Variants in CATSPERG observed in about 807,000 individuals in gnomAD.
CATSPERG encodes cation channel sperm-associated auxiliary subunit gamma.
A neutral mutation model predicts 145.0 loss-of-function variants in CATSPERG; 115 were observed. That is an observed-to-expected ratio of 0.79 (90% CI 0.68 to 0.93). The LOEUF (loss-of-function observed/expected upper bound fraction) is 0.93. CATSPERG is among the 40% of genes least tolerant of loss of function. The pLI is 0.00. For missense variants in CATSPERG, 1,296 were observed against 1,490.1 expected, an observed-to-expected ratio of 0.87 and a Z score of 2.14; for synonymous variants, 588 against 589.0, an observed-to-expected ratio of 1.00 and a Z score of 0.02.
rs1167412613 is a variant in CATSPERG, at chr19:38,361,651, CT to C, written c.1885del (p.Tyr629ThrfsTer2). On this transcript the variant is annotated frameshift_variant, in exon 17 of 29. Coordinates refer to ENST00000409235, the MANE Select transcript of CATSPERG (RefSeq NM_021185.5). LOFTEE classifies it high-confidence loss of function. ...TTTCCCCCTTGCCACTGCCCAGGGGCTACTTGATGCTCTCCTTCATCGACTT... is the reference window on the plus strand; with the variant it reads ...TTTCCCCCTTGCCACTGCCCAGGGGCACTTGATGCTCTCCTTCATCGACTT... Reference protein sequence around the residue: ...SHYDLERKGGYLMLSFIDFCP... With the variant: ...SHYDLERKGGXLMLSFIDFCP... The C allele has an allele frequency of 6.2e-7, 1 of 1,609,316 alleles. No homozygotes were observed.
At chr19:38,356,988 G>GA in intron 11 of CATSPERG, 127 bp downstream of exon 11, 2 of 1,217,142 alleles carry the variant, frequency 1.6e-6, no homozygotes, top group Non-Finnish European at 1.2e-6. Flanking sequence ...GTCACTCCTG[G>GA]TTGAGGAGTA....
rs1418272403 is a variant in CATSPERG, at chr19:38,370,719, C to T, written c.3407C>T (p.Ser1136Phe). 1 of 1,613,878 alleles carries T rather than the reference C, an allele frequency of 6.2e-7. No homozygotes were observed. Among genetic ancestry groups the T allele is most frequent in the Middle Eastern group, 1.6e-4 (1 of 6,084 alleles). The part of the protein sequence containing the change: ...MPSLRHSRMG[S>F]MFSSRMTEDR... ...TCTCTGAGACATTCCAGGATGGGCT[C>T]CATGTTCAGCTCCAGGATGACAGAG... The change falls in exon 29 of 29, where the codon TCC becomes TTC. Residue 1136 changes from serine to phenylalanine, a missense_variant. Coordinates refer to ENST00000409235, the MANE Select transcript of CATSPERG (RefSeq NM_021185.5).
rs1340665459 is a variant in CATSPERG at position 38,358,306 on chromosome 19, C to T, written c.1344C>T (p.His448=). 1 of 1,614,200 alleles carries T rather than the reference C, an allele frequency of 6.2e-7. No individual in the cohort carries two copies. Among genetic ancestry groups the T allele is most frequent in the Non-Finnish European group, 8.5e-7 (1 of 1,180,016 alleles). ...TASDDLELLY[H]IPEFIPEARG... ...GTGATGACCTGGAACTTCTCTACCA[C>T]ATCCCAGAATTCATCCCTGAAGGTA... is the stretch of plus-strand genomic sequence containing the variant. The change falls in exon 12 of 29, where the codon CAC becomes CAT. Residue 448 remains histidine (H), a synonymous_variant. Coordinates refer to ENST00000409235, the MANE Select transcript of CATSPERG (RefSeq NM_021185.5).
intron 3 of CATSPERG, among the ~76,000 whole-genome samples, chr19:38,340,272 A>G (rs1969914996): frequency 6.6e-6 from 1 of 152,086 alleles, no homozygotes; most frequent in Non-Finnish European, 1.5e-5. Context: ...TGATTTCTCA[A>G]TAATTCATTG....
intron 6 of CATSPERG, among the ~76,000 whole-genome samples, chr19:38,345,293 C>T (rs1185066878): frequency 6.6e-6 from 1 of 151,788 alleles, no homozygotes; most frequent in Non-Finnish European, 1.5e-5. Flanking sequence ...GGCAAGGCCT[C>T]ACTCTGCCAC....
chr19:38,339,100 A>AATC (rs1461098622), intron 3 of CATSPERG, among the ~76,000 whole-genome samples: 2 of 152,172 alleles, frequency 1.3e-5, no homozygotes, highest in African/African-American at 4.8e-5. Flanking sequence ...ATTTATTGGT[A>AATC]ATCCAACAAA....
chr19:38,361,662 T>A lies in CATSPERG; in HGVS notation c.1895T>A (p.Leu632His), dbSNP rs1250272549. 1.2e-6 allele frequency: 2 copies of A among 1,609,546 alleles called. No homozygotes were observed. Among genetic ancestry groups the A allele is most frequent in the African/African-American group, 2.7e-5 (2 of 74,334 alleles). ...DLERKGGYLM[L>H]SFIDFCPFSV... is the part of the protein sequence containing the mutation. ...CCACTGCCCAGGGGCTACTTGATGCTCTCCTTCATCGACTTCTGCCCCTTC... is the reference window on the plus strand; with the variant it reads ...CCACTGCCCAGGGGCTACTTGATGCACTCCTTCATCGACTTCTGCCCCTTC... The change falls in exon 17 of 29, where the codon CTC becomes CAC. Residue 632 changes from leucine (L) to histidine (H), a missense_variant. Leu to His is a moderately conservative substitution (Grantham distance 99). Transcript: ENST00000409235.
intron 11 of CATSPERG, among the ~76,000 whole-genome samples, chr19:38,357,723 G>A (rs921761038): frequency 3.3e-5 from 5 of 152,082 alleles, no homozygotes; most frequent in South Asian, 2.1e-4. Flanking sequence ...AGGCCGAGGC[G>A]GGGGGATCAC....
At position 38,356,831 on chromosome 19, in the gene CATSPERG, A is replaced by G; in HGVS notation, c.1285A>G (p.Lys429Glu). The G allele has an allele frequency of 1.2e-6, 2 of 1,614,144 alleles. No individual in the cohort carries two copies. Among genetic ancestry groups the G allele is most frequent in the East Asian group, 4.5e-5 (2 of 44,884 alleles). ...LVESGYGNAS[K>E]RFQVVSYNTA... ...GGAGAGTGGATATGGTAATGCAAGTAAACGTTTCCAGGTGGTCAGCTACAA... is the reference window on the plus strand; with the variant it reads ...GGAGAGTGGATATGGTAATGCAAGTGAACGTTTCCAGGTGGTCAGCTACAA... Residue 429 changes from lysine (K) to glutamate (E), a missense_variant, in exon 11 of 29, where the codon AAA (lysine) becomes GAA (glutamate). Physicochemically the swap from Lys to Glu is moderately conservative, Grantham distance 56. Transcript: ENST00000409235.
At chr19:38,351,434 C>T (rs1970137405) in intron 7 of CATSPERG, among the ~76,000 whole-genome samples, 1 of 152,040 alleles carries the variant, frequency 6.6e-6, no homozygotes, top group African/African-American at 2.4e-5. Flanking sequence ...TGGTGAAACC[C>T]TGTCTCTACT....
chr19:38,351,903 C>T (rs1970148446), intron 7 of CATSPERG, among the ~76,000 whole-genome samples: 1 of 152,068 alleles, frequency 6.6e-6, no homozygotes, highest in Non-Finnish European at 1.5e-5. Flanking sequence ...CCAGATCCAG[C>T]CTTTAAAAAA....
rs1203879818 is a variant in CATSPERG, at chr19:38,370,884, C to G, written c.*92C>G. The G allele has an allele frequency of 7.1e-7, 1 of 1,401,948 alleles. No individual in the cohort carries two copies. The highest frequency in any genetic ancestry group is 1.9e-5 in the Admixed American group (1 of 52,350). The allele number at this position is 1,401,948 out of a possible 1,614,324, so 86.8% of individuals were successfully genotyped here. A position where few individuals can be genotyped will look rare whatever the true frequency, so the allele number is the denominator to read the frequency against. ...AACCTGTCACCCAGCCCAGGCCTCT[C>G]TTTCTGTTTTGCTTGATGTTTACTT... On this transcript the variant is annotated 3_prime_UTR_variant, in exon 29 of 29. Transcript: ENST00000409235.
At chr19:38,336,957 GC>G in intron 1 of CATSPERG, 2 of 546,460 alleles carry the variant, frequency 3.7e-6, no homozygotes, top group Non-Finnish European at 6.6e-6. Flanking sequence ...AGGGCCAGGA[GC>G]AAGAGCAGGG....
intron 14 of CATSPERG, 185 bp downstream of exon 14, chr19:38,359,766 G>A: frequency 7.4e-7 from 1 of 1,353,972 alleles, no homozygotes; most frequent in Non-Finnish European, 9.6e-7. Flanking sequence ...CAGCTCCAAA[G>A]TCACGCAGAC....
intron 11 of CATSPERG, 171 bp from the exon 12 acceptor site, chr19:38,358,107 T>G: frequency 1.6e-6 from 1 of 636,932 alleles, no homozygotes; most frequent in East Asian, 2.8e-5. Context: ...GACAGGGAGA[T>G]CCTGTCTCAG....
At chr19:38,344,661 CCATACCTGTACATA>C (rs1969997367) in intron 6 of CATSPERG, among the ~76,000 whole-genome samples, 1 of 150,158 alleles carries the variant, frequency 6.7e-6, no homozygotes, top group Admixed American at 6.7e-5. Context: ...ACCTGTACAT[CCATACCTGTACATA>C]CATATATAGT....
intron 26 of CATSPERG, among the ~76,000 whole-genome samples, chr19:38,368,755 T>G (rs11083453): frequency 6.6e-6 from 1 of 152,090 alleles, no homozygotes; most frequent in African/African-American, 2.4e-5. Flanking sequence ...CTCTGCCTCC[T>G]GGGTTCAAGC....
At chr19:38,367,840 A>C in intron 25 of CATSPERG, 64 bp downstream of exon 25, 1 of 1,483,328 alleles carries the variant, frequency 6.7e-7, no homozygotes. Context: ...TCCCACTTCC[A>C]AGCCAAGCCC....
chr19:38,361,540 G>T, intron 16 of CATSPERG, 108 bp from the exon 17 acceptor site: 1 of 870,662 alleles, frequency 1.1e-6, no homozygotes, highest in Non-Finnish European at 1.8e-6. Flanking sequence ...GGAAGATTCG[G>T]GCTGGATTCG....
Sources: gnomAD v4.1 joint callset for allele counts (sites outside exome capture counted in the v4.1 genomes callset) on GRCh38, gnomAD v4.1.1 for gene constraint, MANE v1.5 for transcripts, NCBI Gene and HGNC (gene_info 2026-07-23, HGNC 2026-07-21) for gene names.